SDF4: variants seen among roughly 807,000 people sequenced by gnomAD.
SDF4 encodes 45 kDa calcium-binding protein.
SDF4 carries 22 observed loss-of-function variants against 34.2 expected under a neutral mutation model. That is an observed-to-expected ratio of 0.64 (90% confidence interval 0.46 to 0.92). SDF4 has a LOEUF of 0.92. Ranked by LOEUF, SDF4 falls within the 40% of genes least tolerant of loss-of-function variation. SDF4 has a pLI of 0.00. For missense variants in SDF4, 447 were observed against 499.9 expected, an observed-to-expected ratio of 0.89 and a Z score of 1.01; for synonymous variants, 236 against 203.1, an observed-to-expected ratio of 1.16 and a Z score of -1.38.
At chr1:1,224,478 C>T (rs999684583) in intron 2 of SDF4, among the ~76,000 whole-genome samples, 14 of 152,174 alleles carry the variant, frequency 9.2e-5, no homozygotes, top group African/African-American at 3.4e-4. Flanking sequence ...TACGGTTTCA[C>T]CATGTTGGGC....
In SDF4 at chr1:1,220,840, C is replaced by T. The variant is rs548555707; in HGVS notation, c.557-1913G>A. ...TGCCCCAAGCACATCGCCAACAGGC[C>T]GGACCAACGGGATGAAGCTTAAAGA... On this transcript the variant is annotated intron_variant, in intron 4 of 6. Transcript: ENST00000360001. The T allele has an allele frequency of 3.2e-4, 329 of 1,028,238 alleles. 1 individual carries two copies. In the South Asian group the frequency reaches 4.1e-3, roughly 13 times the overall value. 63.7% of individuals were successfully genotyped at this position (1,028,238 alleles called of 1,614,324 possible). A position where few individuals can be genotyped will look rare whatever the true frequency, so the allele number is the denominator to read the frequency against.
intron 3 of SDF4, 76 bp downstream of exon 3, chr1:1,223,756 C>T (rs1650117477): frequency 1.6e-6 from 2 of 1,282,014 alleles, no homozygotes; most frequent in Non-Finnish European, 2.2e-6. Context: ...CCTGTCTGCC[C>T]TCCAGGCACC....
Position 1,218,715 on chromosome 1 carries a change from C to A in SDF4, c.715+54G>T. On this transcript the variant is annotated intron_variant, in intron 5 of 6. Transcript: ENST00000360001. This position sits in a 1 kb window ranked among gnomAD's most constrained non-coding sequence, Gnocchi z 7.9. ...CCCGACCTCCCGACGATGCCCGGCC[C>A]CTGCCAGTCGGTCCTGGGTCCTGGC... 6.2e-7 allele frequency: 1 copy of A among 1,611,772 alleles called. No individual in the cohort carries two copies. Among genetic ancestry groups the A allele is most frequent in the South Asian group, 1.1e-5 (1 of 91,014 alleles).
chr1:1,222,498 A>G (rs1304182302), intron 4 of SDF4, among the ~76,000 whole-genome samples: 1 of 152,086 alleles, frequency 6.6e-6, no homozygotes, highest in African/African-American at 2.4e-5. Flanking sequence ...CTGGGACCTG[A>G]CCGCTCTCTG....
At chr1:1,227,082 C>T (rs748127922) in intron 2 of SDF4, among the ~76,000 whole-genome samples, 24 of 152,162 alleles carry the variant, frequency 1.6e-4, no homozygotes, top group Non-Finnish European at 3.2e-4. Context: ...ACCGTGCCTC[C>T]GTCCCACCAG....
chr1:1,223,005 C>T (rs546853815), intron 4 of SDF4, among the ~76,000 whole-genome samples: 16 of 152,084 alleles, frequency 1.1e-4, no homozygotes, highest in South Asian at 4.1e-4. Context: ...CTCGTACACA[C>T]GACACGCATA....
intron 2 of SDF4, among the ~76,000 whole-genome samples, chr1:1,227,858 C>T (rs1172774497): frequency 6.6e-6 from 1 of 152,104 alleles, no homozygotes; most frequent in South Asian, 2.1e-4. Flanking sequence ...AAGAGGGTCT[C>T]GGGACTCAGC....
intron 2 of SDF4, 134 bp downstream of exon 2, chr1:1,228,334 T>C (rs1164215822): frequency 6.0e-6 from 6 of 1,008,394 alleles, no homozygotes; most frequent in Non-Finnish European, 8.5e-6. Flanking sequence ...GTGGCGCTCA[T>C]CACCGGCACG....
rs780684852 is a variant in SDF4 at position 1,218,995 on chromosome 1, AG to A, written c.557-69del. The A allele has an allele frequency of 7.4e-6, 12 of 1,612,048 alleles. No individual in the cohort carries two copies. In the African/African-American group the frequency reaches 1.3e-4, roughly 18 times the overall value. On this transcript the variant is annotated intron_variant, in intron 4 of 6. Coordinates refer to ENST00000360001, the MANE Select transcript of SDF4 (RefSeq NM_016176.6). The surrounding 1 kb of genome is among the most constrained non-coding windows in gnomAD (Gnocchi z 7.9). ...CAGCACGCAAATCCAGAAAGTTCCG[AG>A]AGGTGCTGCCTGAACTCGAGGGACA...
Position 1,228,719 on chromosome 1 carries a change from G to A in SDF4, c.54C>T (p.Leu18=). 1.2e-6 allele frequency: 2 copies of A among 1,612,854 alleles called. No individual in the cohort carries two copies. Among genetic ancestry groups the A allele is most frequent in the East Asian group, 2.2e-5 (1 of 44,880 alleles). Residue 18 remains leucine, a synonymous_variant, in exon 2 of 7, where the codon CTC becomes CTT. Coordinates refer to ENST00000360001, the MANE Select transcript of SDF4 (RefSeq NM_016176.6). The part of the protein sequence containing the change: ...LIGLAPCCLW[L]LGAVLLMDAS... ...CGTCCATCAGAAGGACTGCCCCCAGGAGCCAGAGGCAGCACGGAGCCAGGC... is the reference window on the plus strand; with the variant it reads ...CGTCCATCAGAAGGACTGCCCCCAGAAGCCAGAGGCAGCACGGAGCCAGGC...
chr1:1,226,886 G>A (rs1254619567), intron 2 of SDF4, among the ~76,000 whole-genome samples: 9 of 152,318 alleles, frequency 5.9e-5, no homozygotes, highest in South Asian at 2.1e-4. Flanking sequence ...CTGTGATGCC[G>A]CGAGCCAGGC....
intron 3 of SDF4, among the ~76,000 whole-genome samples, chr1:1,223,619 C>T (rs780823909): frequency 6.6e-5 from 10 of 152,242 alleles, no homozygotes; most frequent in Non-Finnish European, 1.2e-4. Context: ...CCATGGGCCA[C>T]GCCCAGTGCT....
At chr1:1,220,382 A>AC in intron 4 of SDF4, 1 of 1,144,884 alleles carries the variant, frequency 8.7e-7, no homozygotes, top group Non-Finnish European at 1.1e-6. Flanking sequence ...AGGCGCGAGG[A>AC]CAGCAGCCCC....
chr1:1,220,287 C>A (rs1483191808), intron 4 of SDF4: 12 of 1,090,436 alleles, frequency 1.1e-5, no homozygotes, highest in Non-Finnish European at 1.3e-5. Flanking sequence ...AGGACGCAGA[C>A]CCAGAGAGAG....
chr1:1,224,824 G>A (rs1638242258), intron 2 of SDF4, among the ~76,000 whole-genome samples: 1 of 152,162 alleles, frequency 6.6e-6, no homozygotes, highest in South Asian at 2.1e-4. Flanking sequence ...TGAGGTGGGA[G>A]GCCTCCCGAA....
intron 1 of SDF4, among the ~76,000 whole-genome samples, chr1:1,229,340 G>A (rs904903318): frequency 6.6e-6 from 1 of 151,916 alleles, no homozygotes; most frequent in Non-Finnish European, 1.5e-5. Flanking sequence ...CGGAGCAGCT[G>A]CGACCACAGG....
chr1:1,224,152 G>A (rs1047395029), intron 2 of SDF4, among the ~76,000 whole-genome samples, 184 bp from the exon 3 acceptor site: 1 of 152,190 alleles, frequency 6.6e-6, no homozygotes, highest in African/African-American at 2.4e-5. Context: ...GGCCACGCCA[G>A]AGACACTGGG....
At chr1:1,229,233 C>G (rs962725065) in intron 1 of SDF4, among the ~76,000 whole-genome samples, 1 of 152,194 alleles carries the variant, frequency 6.6e-6, no homozygotes, top group African/African-American at 2.4e-5. Context: ...CTCTGTCACC[C>G]AGGCTGGAGT....
In SDF4 at chr1:1,225,175, C is replaced by A. The variant is rs151235170; in HGVS notation, c.306-1207G>T. Reference sequence around the variant, plus strand: ...CACAGGCTCCTACCCCTGCTGCAGCCGCCCGTGTCCTGAGCTCACCTGTTG... The same window carrying A: ...CACAGGCTCCTACCCCTGCTGCAGCAGCCCGTGTCCTGAGCTCACCTGTTG... On this transcript the variant is annotated intron_variant, in intron 2 of 6. Transcript: ENST00000360001. Among the ~76,000 whole-genome samples, 23 of 152,326 alleles carry A rather than the reference C, an allele frequency of 1.5e-4. No homozygotes were observed. The South Asian group carries it at 4.6e-3, about 30-fold the overall frequency.
Sources: allele counts gnomAD v4.1 joint callset (sites outside exome capture counted in the v4.1 genomes callset), GRCh38; gene constraint gnomAD v4.1.1; non-coding constraint Gnocchi (gnomAD v3.1); transcripts MANE v1.5; gene names NCBI Gene and HGNC (gene_info 2026-07-23, HGNC 2026-07-21).